AOPEP: variants seen among roughly 807,000 people sequenced by gnomAD.
The protein encoded by AOPEP is aminopeptidase O (putative), also known as aminopeptidase O.
In AOPEP, 77 loss-of-function variants were observed where a neutral mutation model predicts 98.1. The observed-to-expected ratio is 0.78, with a 90% CI of 0.65 to 0.95. The LOEUF (loss-of-function observed/expected upper bound fraction) is 0.95, where lower values mean the gene tolerates loss of function less well. Among genes scored for constraint, AOPEP ranks in the 40% least tolerant of loss-of-function variants. AOPEP has a pLI of 0.00. For missense variants in AOPEP, 1,024 were observed against 1,024.7 expected, an observed-to-expected ratio of 1.00 and a Z score of 0.01; for synonymous variants, 346 against 365.3, an observed-to-expected ratio of 0.95 and a Z score of 0.60.
chr9:95,018,720 C>T (rs2063208224), intron 13 of AOPEP, among the ~76,000 whole-genome samples: 1 of 152,218 alleles, frequency 6.6e-6, no homozygotes, highest in Non-Finnish European at 1.5e-5. Flanking sequence ...GTTCTCTCTG[C>T]CTCTTGGCTG....
rs1225116926 is a variant in AOPEP, at chr9:94,767,639, A to G, written c.798-5363A>G. Among the ~76,000 whole-genome samples, 4 of 152,222 alleles carry G rather than the reference A, an allele frequency of 2.6e-5. No individual in the cohort carries two copies. The East Asian group carries it at 5.8e-4, about 22-fold the overall frequency. ...AGATTTTTTCCATGTACACAATCCT[A>G]TACCCACAAGCACTTCCAGATGAGA... On this transcript the variant is annotated intron_variant, in intron 2 of 16. Transcript: ENST00000375315.
At chr9:95,022,699 CAAAAT>C (rs2063552628) in intron 13 of AOPEP, among the ~76,000 whole-genome samples, 2 of 152,002 alleles carry the variant, frequency 1.3e-5, no homozygotes, top group Admixed American at 6.6e-5. Flanking sequence ...AGAAATCACT[CAAAAT>C]AAAGCAGCTG....
intron 13 of AOPEP, among the ~76,000 whole-genome samples, chr9:95,029,148 A>G (rs1481107686): frequency 6.6e-6 from 1 of 152,162 alleles, no homozygotes; most frequent in Admixed American, 6.5e-5. Context: ...TGCTGCCGTG[A>G]CCAACATGAA....
At chr9:94,871,567 T>C (rs1269798060) in intron 5 of AOPEP, among the ~76,000 whole-genome samples, 6 of 152,232 alleles carry the variant, frequency 3.9e-5, no homozygotes, top group Admixed American at 6.5e-5. Context: ...GAGTGTCAGA[T>C]TGGCATTCCA....
chr9:94,831,339 G>C (rs1286778067), intron 5 of AOPEP, among the ~76,000 whole-genome samples: 1 of 152,124 alleles, frequency 6.6e-6, no homozygotes, highest in Non-Finnish European at 1.5e-5. Flanking sequence ...GTTTTTGTCA[G>C]GTTTGCCAAA....
intron 5 of AOPEP, among the ~76,000 whole-genome samples, chr9:94,868,012 A>G (rs963054782): frequency 1.3e-5 from 2 of 152,218 alleles, no homozygotes; most frequent in Admixed American, 6.5e-5. Flanking sequence ...GCTGTTTTCC[A>G]TTCTGACAGA....
intron 5 of AOPEP, among the ~76,000 whole-genome samples, chr9:94,875,231 C>T (rs1256351443): frequency 6.6e-6 from 1 of 150,972 alleles, no homozygotes; most frequent in Non-Finnish European, 1.5e-5. Flanking sequence ...TTTTTTCACC[C>T]ACATGATTTT....
chr9:95,048,128 GTTTT>G (rs753694878), intron 13 of AOPEP, among the ~76,000 whole-genome samples: 1 of 144,562 alleles, frequency 6.9e-6, no homozygotes, highest in Non-Finnish European at 1.5e-5. Context: ...TTATTGGTAA[GTTTT>G]TTTTTTTTTC....
At chr9:94,909,806 A>G (rs1002911188) in intron 5 of AOPEP, among the ~76,000 whole-genome samples, 1 of 151,768 alleles carries the variant, frequency 6.6e-6, no homozygotes, top group African/African-American at 2.4e-5. Context: ...TTTGAAGGAA[A>G]TACCTTGCAG....
chr9:94,749,157 C>T (rs1279146044), intron 1 of AOPEP, among the ~76,000 whole-genome samples: 1 of 152,144 alleles, frequency 6.6e-6, no homozygotes, highest in East Asian at 1.9e-4. Context: ...CAAATGATTA[C>T]TTATTCAATT....
chr9:95,020,884 A>G (rs1262852353), intron 13 of AOPEP, among the ~76,000 whole-genome samples: 3 of 125,348 alleles, frequency 2.4e-5, no homozygotes, highest in Non-Finnish European at 4.8e-5. Flanking sequence ...GCGCCACTGT[A>G]CTCCAGCCTG....
chr9:94,759,723 T>A lies in AOPEP; in HGVS notation c.-61T>A. The A allele has an allele frequency of 5.4e-6, 7 of 1,306,042 alleles. No individual in the cohort carries two copies. The highest frequency in any genetic ancestry group is 7.5e-6 in the Non-Finnish European group (7 of 938,076). The allele number at this position is 1,306,042 out of a possible 1,614,324, so 80.9% of individuals were successfully genotyped here. On this transcript the variant is annotated 5_prime_UTR_variant, in exon 2 of 17. An upstream open reading frame in the 5' UTR loses its in-frame stop. Coordinates refer to ENST00000375315, the MANE Select transcript of AOPEP (RefSeq NM_001193329.3). ...GCAGCTATTTATGATTCTGGAAGAT[T>A]AAGGCAGATAGGAAACCCCATCTGA... is the stretch of plus-strand genomic sequence containing the variant.
intron 13 of AOPEP, among the ~76,000 whole-genome samples, chr9:95,039,290 G>T (rs1406047194): frequency 6.6e-6 from 1 of 152,158 alleles, no homozygotes; most frequent in Non-Finnish European, 1.5e-5. Flanking sequence ...TTGTTGGCCA[G>T]GTGCGGTGGC....
rs778734756 is a variant in AOPEP, at chr9:95,060,714, C to G, written c.2136C>G (p.Val712=). 7 of 1,613,824 alleles carry G rather than the reference C, an allele frequency of 4.3e-6. No homozygotes were observed. In the East Asian group the frequency reaches 1.6e-4, roughly 36 times the overall value. Residue 712 remains valine (V), a synonymous_variant, in exon 14 of 17, where the codon GTC becomes GTG. Coordinates refer to ENST00000375315, the MANE Select transcript of AOPEP (RefSeq NM_001193329.3). Reference sequence around the variant, plus strand: ...TTTAGCTTCTTCCAGACCAGCTGGTCTTGCTTCTGGAGCATCTCTTGGAGC... The same window carrying G: ...TTTAGCTTCTTCCAGACCAGCTGGTGTTGCTTCTGGAGCATCTCTTGGAGC... ...VFEKLLPDQL[V]LLLEHLLEQK... is the part of the protein sequence containing the mutation.
intron 5 of AOPEP, among the ~76,000 whole-genome samples, chr9:94,900,008 C>T (rs1465726433): frequency 6.6e-6 from 1 of 152,120 alleles, no homozygotes; most frequent in Non-Finnish European, 1.5e-5. Flanking sequence ...AACTATGAGT[C>T]TGTGAGTCAT....
At chr9:94,933,280 T>A (rs2137150149) in intron 7 of AOPEP, 1 of 985,530 alleles carries the variant, frequency 1.0e-6, no homozygotes, top group Non-Finnish European at 1.2e-6. Flanking sequence ...TTCCGGCAGC[T>A]TCTGCCTAAG....
At chr9:94,818,337 T>C (rs1422495321) in intron 5 of AOPEP, among the ~76,000 whole-genome samples, 1 of 152,230 alleles carries the variant, frequency 6.6e-6, no homozygotes, top group Non-Finnish European at 1.5e-5. Flanking sequence ...GAATCACAGA[T>C]TCTACAGTTC....
At chr9:95,140,422 T>C in the AOPEP span, among the ~76,000 whole-genome samples, 7 of 152,166 alleles carry the variant, frequency 4.6e-5, no homozygotes, top group Non-Finnish European at 1.0e-4. Flanking sequence ...GGTAAAGAAA[T>C]TGGTCCAACT....
the AOPEP span, among the ~76,000 whole-genome samples, chr9:95,144,140 G>C: frequency 5.0e-4 from 76 of 152,238 alleles, no homozygotes; most frequent in Non-Finnish European, 8.5e-4. Context: ...GGGGAGGGGG[G>C]GCTGGGCGCG....
Sources: allele counts gnomAD v4.1 joint callset (sites outside exome capture counted in the v4.1 genomes callset), GRCh38; gene constraint gnomAD v4.1.1; transcripts MANE v1.5; gene names NCBI Gene and HGNC (gene_info 2026-07-23, HGNC 2026-07-21).